The following CSF1R variants were observed in gnomAD, a reference collection of about 807,000 sequenced individuals.
CSF1R encodes the protein macrophage colony-stimulating factor 1 receptor.
CSF1R carries 40 observed loss-of-function variants against 110.0 expected under a neutral mutation model. The observed-to-expected ratio is 0.36, with a 90% confidence interval of 0.28 to 0.47. The LOEUF is 0.47. Ranked by LOEUF, CSF1R falls within the 20% of genes least tolerant of loss-of-function variation. The pLI is 0.99. For synonymous variants in CSF1R, 523 were observed against 503.4 expected (o/e 1.04, Z -0.52); for missense variants, 1,052 against 1,253.0 (o/e 0.84, Z 2.42).
intron 1 of CSF1R, among the ~76,000 whole-genome samples, chr5:150,101,086 G>C (rs1406535493): frequency 6.6e-6 from 1 of 151,638 alleles, no homozygotes; most frequent in African/African-American, 2.4e-5. Context: ...AAAAAAAAAG[G>C]TGATACCTAT....
At chr5:150,097,618 A>G (rs1213324843) in intron 1 of CSF1R, among the ~76,000 whole-genome samples, 1 of 152,218 alleles carries the variant, frequency 6.6e-6, no homozygotes, top group Non-Finnish European at 1.5e-5. Flanking sequence ...AAATCAGATT[A>G]AAAGTGAAAT....
chr5:150,105,804 T>C (rs893676355), intron 1 of CSF1R, among the ~76,000 whole-genome samples: 9 of 152,234 alleles, frequency 5.9e-5, no homozygotes, highest in African/African-American at 1.7e-4. Flanking sequence ...TGAGATTACA[T>C]GTGTGAGCCA....
At chr5:150,109,062 C>CCCCCCCCCCGCCA (rs1554106345) in intron 1 of CSF1R, among the ~76,000 whole-genome samples, 2 of 121,202 alleles carry the variant, frequency 1.7e-5, no homozygotes, top group African/African-American at 2.9e-5. Flanking sequence ...AAGCCCGCCC[C>CCCCCCCCCCGCCA]CCCCCCACCA....
chr5:150,081,407 A>T (rs1268309145), intron 1 of CSF1R, among the ~76,000 whole-genome samples: 1 of 152,182 alleles, frequency 6.6e-6, no homozygotes, highest in Non-Finnish European at 1.5e-5. Flanking sequence ...CTACCACCGA[A>T]TGAAGAAACA....
intron 1 of CSF1R, among the ~76,000 whole-genome samples, chr5:150,098,148 T>G (rs538678432): frequency 6.6e-6 from 1 of 152,230 alleles, no homozygotes; most frequent in Non-Finnish European, 1.5e-5. Flanking sequence ...AGAATAGGCA[T>G]TCCAAAAAGT....
intron 9 of CSF1R, 101 bp from the exon 10 acceptor site, chr5:150,068,431 TG>T (rs1475132383): frequency 1.3e-6 from 1 of 743,256 alleles, no homozygotes; most frequent in African/African-American, 1.8e-5. Context: ...GCTCAATAAA[TG>T]CTTGTTGACT....
In CSF1R at chr5:150,056,140, G is replaced by C. The variant is rs1757205127; in HGVS notation, c.2443-3C>G. ...ATCCACTTCACAGGCAGGCGGGCCT[G>C]GGATGACAGTCCCCAGTTATTTTGG... is the stretch of plus-strand genomic sequence containing the variant. On this transcript the variant is annotated splice_region_variant and splice_polypyrimidine_tract_variant and intron_variant, in intron 17 of 20. Coordinates refer to ENST00000675795, the MANE Select transcript of CSF1R (RefSeq NM_001288705.3). 1 of 1,614,094 alleles carries C rather than the reference G, an allele frequency of 6.2e-7. No individual in the cohort carries two copies. Among genetic ancestry groups the C allele is most frequent in the South Asian group, 1.1e-5 (1 of 91,088 alleles).
chr5:150,081,988 C>T (rs891552577), intron 1 of CSF1R, among the ~76,000 whole-genome samples: 5 of 152,196 alleles, frequency 3.3e-5, no homozygotes, highest in South Asian at 2.1e-4. Flanking sequence ...CCTGTGTGGG[C>T]GGAAACACAT....
At position 150,059,782 on chromosome 5, in the gene CSF1R, C is replaced by T. The variant is rs763835789; in HGVS notation, c.2050G>A (p.Gly684Arg). 1 of 1,614,056 alleles carries T rather than the reference C, an allele frequency of 6.2e-7. No individual in the cohort carries two copies. Among genetic ancestry groups the T allele is most frequent in the Non-Finnish European group, 8.5e-7 (1 of 1,180,042 alleles). ...FLRRKAEAML[G>R]PSLSPGQDPE... Reference sequence around the variant, plus strand: ...TCCTGGCCGGGGCTCAGGCTGGGTCCCAGCATGGCCTCAGCCTTCCTTCGC... The same window carrying T: ...TCCTGGCCGGGGCTCAGGCTGGGTCTCAGCATGGCCTCAGCCTTCCTTCGC... The change falls in exon 14 of 21, where the codon GGA becomes AGA. Residue 684 changes from glycine (G) to arginine (R), a missense_variant. By Grantham distance (125) the Gly-to-Arg change is moderately radical. Around this residue, in one of 5 missense-constraint regions of CSF1R, gnomAD observed 124 missense variants for 117.7 expected, o/e 1.05. Transcript: ENST00000675795.
chr5:150,064,107 G>A (rs10476929), intron 10 of CSF1R, among the ~76,000 whole-genome samples: 38,609 of 152,108 alleles, frequency 0.25, 7,860 homozygotes, highest in African/African-American at 0.55. Flanking sequence ...AATATTGAGT[G>A]TGCATGGGCA....
chr5:150,111,010 G>A (rs955976039), intron 1 of CSF1R, among the ~76,000 whole-genome samples: 13 of 151,750 alleles, frequency 8.6e-5, no homozygotes, highest in Admixed American at 1.3e-4. Context: ...TGAGGTTCAC[G>A]TGAAGTTATA....
In CSF1R at chr5:150,080,689, T is replaced by C. The variant is rs1758496790; in HGVS notation, c.307+78A>G. 1.9e-6 allele frequency: 3 copies of C among 1,561,238 alleles called. No individual in the cohort carries two copies. In the African/African-American group the frequency reaches 4.1e-5, roughly 21 times the overall value. ...CTCAGTAAATGCAGAGCTGAATTGT[T>C]ACGATTGTTAATTTTAGGGCCCATT... is the stretch of plus-strand genomic sequence containing the variant. On this transcript the variant is annotated intron_variant, in intron 2 of 20. Transcript: ENST00000675795.
chr5:150,080,701 T>C, intron 2 of CSF1R, 66 bp downstream of exon 2: 2 of 1,583,734 alleles, frequency 1.3e-6, no homozygotes, highest in Non-Finnish European at 1.7e-6. Context: ...CGATTGTTAA[T>C]TTTAGGGCCC....
rs1757481749 is a variant in CSF1R, at chr5:150,060,895, T to C, written c.1936A>G (p.Ile646Val). 1 of 1,611,424 alleles carries C rather than the reference T, an allele frequency of 6.2e-7. No homozygotes were observed. The stretch of plus-strand genomic sequence containing the variant: ...GTACAGGCTCCCAGAAGGTTGACGA[T>C]GTTCTCGTGCTGGCCCAGGTGGCTC... The part of the protein sequence containing the change: ...IMSHLGQHEN[I>V]VNLLGACTHG... The change falls in exon 13 of 21, where the codon ATC becomes GTC. Residue 646 changes from isoleucine (I) to valine (V), a missense_variant. Coordinates refer to ENST00000675795, the MANE Select transcript of CSF1R (RefSeq NM_001288705.3).
chr5:150,093,242 C>T (rs929478563), intron 1 of CSF1R, among the ~76,000 whole-genome samples: 26 of 152,234 alleles, frequency 1.7e-4, no homozygotes, highest in African/African-American at 5.5e-4. Flanking sequence ...CCGTGTCTGG[C>T]TAATTTTTGC....
In CSF1R at chr5:150,067,605, T is replaced by C. The variant is rs796353039; in HGVS notation, c.1626+610A>G. Among the ~76,000 whole-genome samples, 17 of 152,336 alleles carry C rather than the reference T, an allele frequency of 1.1e-4. 1 individual carries two copies. Among genetic ancestry groups the C allele is most frequent in the African/African-American group, 3.8e-4 (16 of 41,572 alleles). On this transcript the variant is annotated intron_variant, in intron 10 of 20. Coordinates refer to ENST00000675795, the MANE Select transcript of CSF1R (RefSeq NM_001288705.3). The stretch of plus-strand genomic sequence containing the variant: ...TGCACTAAATTGTGGCTTTGGCTAA[T>C]AGGACAGTAACATGAAATAATGAAG...
chr5:150,054,291 G>A lies in CSF1R; in HGVS notation c.2763+31C>T, dbSNP rs200640883. 55 of 1,613,890 alleles carry A rather than the reference G, an allele frequency of 3.4e-5. 1 individual carries two copies. The highest frequency in any genetic ancestry group is 8.0e-5 in the African/African-American group (6 of 74,980). On this transcript the variant is annotated intron_variant, in intron 20 of 20. Transcript: ENST00000675795. Reference sequence around the variant, plus strand: ...CAGGCCCAGCCCAACGTGCTTTACCGGCCACCCACCCCAAGCCTCACCCCA... The same window carrying A: ...CAGGCCCAGCCCAACGTGCTTTACCAGCCACCCACCCCAAGCCTCACCCCA...
At position 150,070,444 on chromosome 5, in the gene CSF1R, C is replaced by T. The variant is rs1395954121; in HGVS notation, c.1198+12G>A. 6 of 1,555,808 alleles carry T rather than the reference C, an allele frequency of 3.9e-6. No homozygotes were observed. In the African/African-American group the frequency reaches 6.8e-5, roughly 18 times the overall value. On this transcript the variant is annotated intron_variant, in intron 7 of 20. Coordinates refer to ENST00000675795, the MANE Select transcript of CSF1R (RefSeq NM_001288705.3). ...GCCTCCGCCCCAGGTGGCGCTCGGCCCCAGCACTCACATCGAAGGGTGAGC... is the reference window on the plus strand; with the variant it reads ...GCCTCCGCCCCAGGTGGCGCTCGGCTCCAGCACTCACATCGAAGGGTGAGC...
chr5:150,092,787 G>T (rs1047130945), intron 1 of CSF1R, among the ~76,000 whole-genome samples: 1 of 152,128 alleles, frequency 6.6e-6, no homozygotes, highest in African/African-American at 2.4e-5. Context: ...AGAATTGGGT[G>T]GGGACACAGC....
Sources: gnomAD v4.1 joint callset for allele counts (sites outside exome capture counted in the v4.1 genomes callset) on GRCh38, gnomAD v4.1.1 for gene constraint, gnomAD v4.1.1 regional missense constraint, MANE v1.5 for transcripts, NCBI Gene and HGNC (gene_info 2026-07-23, HGNC 2026-07-21) for gene names.